COL5A2: variants seen among roughly 807,000 people sequenced by gnomAD.
COL5A2 encodes the protein collagen alpha-2(V) chain.
Under a neutral mutation model 208.2 loss-of-function variants are expected in COL5A2, and 23 were observed. The observed-to-expected ratio is 0.11, with a 90% CI of 0.08 to 0.16. The LOEUF is 0.16. Among genes scored for constraint, COL5A2 ranks in the 10% least tolerant of loss-of-function variants. The probability of loss-of-function intolerance (pLI) is 1.00; values close to 1 mark genes in which losing one functional copy is unlikely to be tolerated. For missense variants in COL5A2, 1,590 were observed against 1,956.4 expected, an observed-to-expected ratio of 0.81 and a Z score of 3.53; for synonymous variants, 625 against 628.5, an observed-to-expected ratio of 0.99 and a Z score of 0.08.
intron 9 of COL5A2, among the ~76,000 whole-genome samples, chr2:189,086,189 T>C (rs1686657749): frequency 6.6e-6 from 1 of 152,194 alleles, no homozygotes; most frequent in African/African-American, 2.4e-5. Flanking sequence ...GTTATTTTCA[T>C]TCTTTCTTTT....
the COL5A2 span, among the ~76,000 whole-genome samples, chr2:189,375,635 A>C: frequency 1.3e-5 from 2 of 152,246 alleles, no homozygotes; most frequent in Non-Finnish European, 2.9e-5. Flanking sequence ...CTATCTTTAG[A>C]GTACACGTAT....
At chr2:189,297,542 C>T in the COL5A2 span, among the ~76,000 whole-genome samples, 1 of 151,802 alleles carries the variant, frequency 6.6e-6, no homozygotes, top group African/African-American at 2.4e-5. Flanking sequence ...CCTTTGTACT[C>T]ATATAACTGA....
chr2:189,064,988 G>A lies in COL5A2; in HGVS notation c.1617+16C>T, dbSNP rs113068976. 6.2e-7 allele frequency: 1 copy of A among 1,613,100 alleles called. No individual in the cohort carries two copies. Among genetic ancestry groups the A allele is most frequent in the South Asian group, 1.1e-5 (1 of 90,942 alleles). ...CACCCCCCACGTAAGTATCAACATTGACAGGGCAACCTCACCTTTGGCCCA... is the reference window on the plus strand; with the variant it reads ...CACCCCCCACGTAAGTATCAACATTAACAGGGCAACCTCACCTTTGGCCCA... On this transcript the variant is annotated intron_variant, in intron 24 of 53. Coordinates refer to ENST00000374866, the MANE Select transcript of COL5A2 (RefSeq NM_000393.5).
At chr2:189,300,044 T>C in the COL5A2 span, among the ~76,000 whole-genome samples, 2 of 152,140 alleles carry the variant, frequency 1.3e-5, no homozygotes, top group Non-Finnish European at 2.9e-5. Context: ...AATCATTCCA[T>C]AGTATGCATC....
At chr2:189,334,230 C>T in the COL5A2 span, among the ~76,000 whole-genome samples, 1 of 151,896 alleles carries the variant, frequency 6.6e-6, no homozygotes, top group Non-Finnish European at 1.5e-5. Context: ...TCCCTCATTA[C>T]TTCATGATGC....
At chr2:189,208,253 C>G (rs1689165266) in intron 1 of COL5A2, among the ~76,000 whole-genome samples, 1 of 152,178 alleles carries the variant, frequency 6.6e-6, no homozygotes, top group South Asian at 2.1e-4. Flanking sequence ...CTCCACATAG[C>G]AGGAACCAAG....
the COL5A2 span, among the ~76,000 whole-genome samples, chr2:189,291,944 A>G: frequency 6.6e-6 from 1 of 152,218 alleles, no homozygotes. Flanking sequence ...TTATAAAAAT[A>G]GAGAGTCTAA....
chr2:189,115,346 G>T (rs949679541), intron 1 of COL5A2, among the ~76,000 whole-genome samples: 3 of 151,590 alleles, frequency 2.0e-5, no homozygotes, highest in Non-Finnish European at 2.9e-5. Flanking sequence ...CACAATTGCA[G>T]CTTGCCAACT....
chr2:189,246,973 A>C, the COL5A2 span, among the ~76,000 whole-genome samples: 1 of 152,244 alleles, frequency 6.6e-6, no homozygotes, highest in Non-Finnish European at 1.5e-5. Flanking sequence ...TGAATTTTAA[A>C]ATTTAAAGAG....
chr2:189,053,794 TA>T, intron 37 of COL5A2, 100 bp downstream of exon 37: 2 of 1,100,896 alleles, frequency 1.8e-6, no homozygotes, highest in Non-Finnish European at 2.7e-6. Context: ...ATACATAACC[TA>T]AAACCAATAA....
chr2:189,263,189 T>G, the COL5A2 span, among the ~76,000 whole-genome samples: 1 of 152,046 alleles, frequency 6.6e-6, no homozygotes, highest in Admixed American at 6.6e-5. Flanking sequence ...TAAAATGCTC[T>G]CAAAAACATC....
At chr2:189,328,033 C>T in the COL5A2 span, among the ~76,000 whole-genome samples, 4 of 152,220 alleles carry the variant, frequency 2.6e-5, no homozygotes, top group African/African-American at 9.6e-5. Flanking sequence ...GAAATTCCTA[C>T]AGAGTCCATA....
intron 1 of COL5A2, among the ~76,000 whole-genome samples, chr2:189,117,756 G>A (rs1379955198): frequency 6.6e-6 from 1 of 150,612 alleles, no homozygotes; most frequent in Non-Finnish European, 1.5e-5. Context: ...TTTTAATGTA[G>A]TAGTTACCAC....
At chr2:189,363,280 T>A in the COL5A2 span, among the ~76,000 whole-genome samples, 3 of 152,136 alleles carry the variant, frequency 2.0e-5, no homozygotes, top group Admixed American at 1.3e-4. Context: ...CCATTAAGTA[T>A]AATACTTGCC....
At chr2:189,113,632 A>T (rs1687328088) in intron 1 of COL5A2, among the ~76,000 whole-genome samples, 1 of 148,898 alleles carries the variant, frequency 6.7e-6, no homozygotes, top group South Asian at 2.1e-4. Flanking sequence ...TAATTATATA[A>T]TATATGTTTG....
the COL5A2 span, among the ~76,000 whole-genome samples, chr2:189,327,722 A>G: frequency 9.9e-5 from 15 of 152,232 alleles, no homozygotes; most frequent in Admixed American, 5.2e-4. Context: ...ACAAATAACC[A>G]TATAACTAAA....
chr2:189,167,724 A>G (rs1173646673), intron 1 of COL5A2, among the ~76,000 whole-genome samples: 1 of 150,036 alleles, frequency 6.7e-6, no homozygotes, highest in Non-Finnish European at 1.5e-5. Context: ...CAGTGAAGCA[A>G]TGCCTCTCAT....
chr2:189,350,742 C>T, the COL5A2 span, among the ~76,000 whole-genome samples: 4,752 of 152,264 alleles, frequency 0.031, 106 homozygotes, highest in South Asian at 0.049. Flanking sequence ...TTCCCAATGC[C>T]TTTTGATACT....
intron 3 of COL5A2, among the ~76,000 whole-genome samples, chr2:189,102,067 G>A (rs773451968): frequency 1.9e-4 from 29 of 152,050 alleles, no homozygotes; most frequent in Non-Finnish European, 3.4e-4. Flanking sequence ...TGTTTAGAAA[G>A]GGTACATAAA....
Sources: gnomAD v4.1 joint callset for allele counts (sites outside exome capture counted in the v4.1 genomes callset) on GRCh38, gnomAD v4.1.1 for gene constraint, MANE v1.5 for transcripts, NCBI Gene and HGNC (gene_info 2026-07-23, HGNC 2026-07-21) for gene names.